Variants in CGRRF1 observed in about 807,000 individuals in gnomAD.
The protein encoded by CGRRF1 is cell growth regulator with ring finger domain 1.
A neutral mutation model predicts 37.2 loss-of-function variants in CGRRF1; 32 were observed. The ratio of observed to expected loss-of-function variants is 0.86; its 90% CI spans 0.65 to 1.16. The LOEUF (loss-of-function observed/expected upper bound fraction) is 1.16, where lower values mean the gene tolerates loss of function less well. Among genes scored for constraint, CGRRF1 ranks in the 50% most tolerant of loss-of-function variants. The pLI is 0.00. For synonymous variants in CGRRF1, 141 were observed against 140.3 expected, an observed-to-expected ratio of 1.00 and a Z score of -0.04; for missense variants, 391 against 382.6, an observed-to-expected ratio of 1.02 and a Z score of -0.18.
At chr14:54,537,903 G>A in intron 5 of CGRRF1, 74 bp downstream of exon 5, 1 of 1,532,838 alleles carries the variant, frequency 6.5e-7, no homozygotes, top group South Asian at 1.3e-5. Context: ...TTTATGGAAA[G>A]GTGATTATAT....
At chr14:54,519,450 A>C (rs867721671) in intron 1 of CGRRF1, among the ~76,000 whole-genome samples, 1 of 123,738 alleles carries the variant, frequency 8.1e-6, no homozygotes, top group Non-Finnish European at 1.6e-5. Context: ...GGGTCTCGCT[A>C]TTGTTGCCCA....
chr14:54,533,588 G>GT (rs1420584181), intron 4 of CGRRF1, among the ~76,000 whole-genome samples: 4 of 151,648 alleles, frequency 2.6e-5, no homozygotes, highest in South Asian at 2.1e-4. Context: ...TTTCATATGT[G>GT]TTTTTTCAGT....
intron 2 of CGRRF1, among the ~76,000 whole-genome samples, chr14:54,525,413 A>G (rs2032395771): frequency 6.6e-6 from 1 of 152,260 alleles, no homozygotes; most frequent in Non-Finnish European, 1.5e-5. Flanking sequence ...CTATGCCTGC[A>G]CACTAGTTGC....
intron 2 of CGRRF1, among the ~76,000 whole-genome samples, chr14:54,525,092 A>C (rs748113368): frequency 3.3e-5 from 5 of 152,212 alleles, no homozygotes; most frequent in Non-Finnish European, 5.9e-5. Flanking sequence ...TGGTGGTTCA[A>C]TAACCTCCCA....
rs373816124 is a variant in CGRRF1 at position 54,510,080 on chromosome 14, T to A, written c.104+17T>A. ...ATTGGGATGGTAAGTGTCCCAGGGG[T>A]GAGAGACGAAGGGGCGGATACCGCC... On this transcript the variant is annotated intron_variant, in intron 1 of 5. Transcript: ENST00000216420. 1.3e-5 allele frequency: 21 copies of A among 1,575,882 alleles called. No homozygotes were observed. The highest frequency in any genetic ancestry group is 1.6e-5 in the Non-Finnish European group (18 of 1,146,582).
intron 1 of CGRRF1, among the ~76,000 whole-genome samples, chr14:54,512,312 CA>C (rs2032142540): frequency 6.6e-6 from 1 of 152,180 alleles, no homozygotes; most frequent in South Asian, 2.1e-4. Flanking sequence ...ATTGGAATCC[CA>C]ATAGCAATAG....
At chr14:54,526,180 C>T (rs1364687945) in intron 2 of CGRRF1, among the ~76,000 whole-genome samples, 4 of 126,678 alleles carry the variant, frequency 3.2e-5, no homozygotes, top group African/African-American at 6.0e-5. Flanking sequence ...GACGGAGTCT[C>T]GCTCTGTCGC....
At position 54,530,925 on chromosome 14, in the gene CGRRF1, G is replaced by C. The variant is rs772500572; in HGVS notation, c.445G>C (p.Glu149Gln). The change falls in exon 4 of 6, where the codon GAA becomes CAA. Residue 149 changes from glutamate to glutamine, a missense_variant. Transcript: ENST00000216420. ...QYFIKKDSKE[E>Q]IYCQLPRDTK... ...AAGTATTAAAAAGGATAGCAAAGAA[G>C]AAATATATTGCCAGTTACCAAGAGA... 1.3e-6 allele frequency: 2 copies of C among 1,594,746 alleles called. No homozygotes were observed. Among genetic ancestry groups the C allele is most frequent in the Non-Finnish European group, 1.7e-6 (2 of 1,162,976 alleles).
At position 54,538,299 on chromosome 14, in the gene CGRRF1, C is replaced by T; in HGVS notation, c.915C>T (p.Cys305=). 2 of 1,614,082 alleles carry T rather than the reference C, an allele frequency of 1.2e-6. No individual in the cohort carries two copies. Among genetic ancestry groups the T allele is most frequent in the Non-Finnish European group, 1.7e-6 (2 of 1,179,982 alleles). ...CDGCVKYFQQ[C]PMCRQFVQES... The stretch of plus-strand genomic sequence containing the variant: ...GCTGTGTGAAGTATTTTCAGCAGTG[C>T]CCAATGTGCAGGCAGTTTGTTCAGG... The change falls in exon 6 of 6, where the codon TGC becomes TGT. Residue 305 remains cysteine (C), a synonymous_variant. Coordinates refer to ENST00000216420, the MANE Select transcript of CGRRF1 (RefSeq NM_006568.3).
chr14:54,522,582 C>G lies in CGRRF1; in HGVS notation c.233C>G (p.Ala78Gly). 1 of 1,578,258 alleles carries G rather than the reference C, an allele frequency of 6.3e-7. No individual in the cohort carries two copies. Among genetic ancestry groups the G allele is most frequent in the South Asian group, 1.2e-5 (1 of 83,912 alleles). ...FGLEITNPSS[A>G]SITTGITLTT... The stretch of plus-strand genomic sequence containing the variant: ...TTAGAGATCACTAATCCATCTTCAG[C>G]TTCAATTACAAGTTGGTGGCTGTTT... Residue 78 changes from alanine (A) to glycine (G), a missense_variant, in exon 2 of 6, where the codon GCT becomes GGT. Transcript: ENST00000216420.
At chr14:54,527,889 T>C (rs1219251747) in intron 2 of CGRRF1, among the ~76,000 whole-genome samples, 2 of 152,026 alleles carry the variant, frequency 1.3e-5, no homozygotes, top group Non-Finnish European at 2.9e-5. Context: ...CACGGGTGCG[T>C]GCCACCATGC....
At chr14:54,530,653 T>G in intron 3 of CGRRF1, 1 of 838,162 alleles carries the variant, frequency 1.2e-6, no homozygotes, top group Non-Finnish European at 1.8e-6. Flanking sequence ...TGTTGCTAAC[T>G]TATTGATCAT....
chr14:54,538,542 C>T lies in CGRRF1; in HGVS notation c.*159C>T, dbSNP rs1045436730. 5 of 513,892 alleles carry T rather than the reference C, an allele frequency of 9.7e-6. No homozygotes were observed. The highest frequency in any genetic ancestry group is 1.7e-5 in the Non-Finnish European group (5 of 299,894). The allele number at this position is 513,892 out of a possible 1,614,324, so 31.8% of individuals were successfully genotyped here. A position where few individuals can be genotyped will look rare whatever the true frequency, so the allele number is the denominator to read the frequency against. The stretch of plus-strand genomic sequence containing the variant: ...ACTTGGATGATAAAAATTAATTATT[C>T]CTTTCTGCTTAGTGAATGAATACTG... On this transcript the variant is annotated 3_prime_UTR_variant, in exon 6 of 6. Transcript: ENST00000216420.
intron 1 of CGRRF1, among the ~76,000 whole-genome samples, chr14:54,516,813 G>A (rs1242334484): frequency 6.6e-6 from 1 of 152,102 alleles, no homozygotes; most frequent in Non-Finnish European, 1.5e-5. Flanking sequence ...ACTAAAAGTT[G>A]GCTTACTGAT....
At chr14:54,519,326 C>G (rs1252762748) in intron 1 of CGRRF1, among the ~76,000 whole-genome samples, 1 of 152,030 alleles carries the variant, frequency 6.6e-6, no homozygotes, top group African/African-American at 2.4e-5. Context: ...CAGTCTTGAC[C>G]TCCCAGGCTC....
At position 54,537,759 on chromosome 14, in the gene CGRRF1, C is replaced by G. The variant is rs1486207847; in HGVS notation, c.608C>G (p.Thr203Ser). The G allele has an allele frequency of 6.3e-7, 1 of 1,594,738 alleles. No individual in the cohort carries two copies. The highest frequency in any genetic ancestry group is 1.8e-5 in the Admixed American group (1 of 55,224). ...MVSVIHIPDRTYKLSCRILYQ... is the reference protein window; with the variant it reads ...MVSVIHIPDRSYKLSCRILYQ... ...TCAGTGATTCATATTCCTGATAGGA[C>G]TTATAAACTATCCTGCAGAATATTG... Residue 203 changes from threonine to serine, a missense_variant, in exon 5 of 6, where the codon ACT becomes AGT. Thr to Ser is a moderately conservative substitution (Grantham distance 58, BLOSUM62 1). Transcript: ENST00000216420.
chr14:54,527,021 C>G (rs1217683382), intron 2 of CGRRF1, among the ~76,000 whole-genome samples: 1 of 152,098 alleles, frequency 6.6e-6, no homozygotes, highest in African/African-American at 2.4e-5. Flanking sequence ...TCTTACACTC[C>G]GCTTTATTTG....
At chr14:54,521,017 G>C (rs1422729229) in intron 1 of CGRRF1, among the ~76,000 whole-genome samples, 1 of 152,142 alleles carries the variant, frequency 6.6e-6, no homozygotes, top group Non-Finnish European at 1.5e-5. Flanking sequence ...GAGTAAAGTA[G>C]CTGTTTTTTA....
chr14:54,524,043 T>G (rs1048428002), intron 2 of CGRRF1, among the ~76,000 whole-genome samples: 23 of 152,224 alleles, frequency 1.5e-4, no homozygotes, highest in African/African-American at 4.8e-4. Context: ...TGCTTCATTT[T>G]TACTCCTCAG....
Sources: gnomAD v4.1 joint callset for allele counts (sites outside exome capture counted in the v4.1 genomes callset) on GRCh38, gnomAD v4.1.1 for gene constraint, MANE v1.5 for transcripts, NCBI Gene and HGNC (gene_info 2026-07-23, HGNC 2026-07-21) for gene names.